Variants in PTPRC observed in about 807,000 individuals in gnomAD.
PTPRC encodes receptor-type tyrosine-protein phosphatase C.
Under a neutral mutation model 155.9 loss-of-function variants are expected in PTPRC, and 44 were observed. The ratio of observed to expected loss-of-function variants is 0.28; its 90% CI spans 0.22 to 0.36. The LOEUF (loss-of-function observed/expected upper bound fraction) is 0.36. Among genes scored for constraint, PTPRC ranks in the 10% least tolerant of loss-of-function variants. PTPRC has a pLI of 1.00. For synonymous variants in PTPRC, 525 were observed against 533.1 expected (o/e 0.98, Z 0.21); for missense variants, 1,401 against 1,564.6 (o/e 0.90, Z 1.76).
At chr1:198,699,351 C>T (rs1666353086) in intron 4 of PTPRC, among the ~76,000 whole-genome samples, 1 of 152,218 alleles carries the variant, frequency 6.6e-6, no homozygotes, top group Non-Finnish European at 1.5e-5. Flanking sequence ...GCATCCAGCT[C>T]AGGAAACCTC....
intron 26 of PTPRC, 113 bp downstream of exon 26, chr1:198,744,316 G>A: frequency 9.3e-7 from 1 of 1,077,074 alleles, no homozygotes. Flanking sequence ...GTCTTCACCA[G>A]AACCAAAGGA....
rs754391361 is a variant in PTPRC at position 198,716,848 on chromosome 1, A to G, written c.1450+8A>G. On this transcript the variant is annotated splice_region_variant and intron_variant, in intron 13 of 32. Transcript: ENST00000442510. ...TCACAACTAAAAGTGCTCGTAAGTT[A>G]TATGTTTTAATGCTTCTTTCCATAA... is the stretch of plus-strand genomic sequence containing the variant. 26 of 1,612,548 alleles carry G rather than the reference A, an allele frequency of 1.6e-5. No homozygotes were observed. The highest frequency in any genetic ancestry group is 1.1e-4 in the South Asian group (10 of 90,998).
At chr1:198,688,595 T>A (rs980037742) in intron 2 of PTPRC, among the ~76,000 whole-genome samples, 1 of 152,200 alleles carries the variant, frequency 6.6e-6, no homozygotes, top group Non-Finnish European at 1.5e-5. Context: ...AATATTTGTT[T>A]GTACCATTAT....
At chr1:198,699,933 A>T in intron 5 of PTPRC, 2 of 619,614 alleles carry the variant, frequency 3.2e-6, no homozygotes, top group Non-Finnish European at 5.7e-6. Flanking sequence ...TCTGCTCAGG[A>T]GGAAAGAGTT....
At chr1:198,656,053 T>C (rs1185582307) in intron 2 of PTPRC, among the ~76,000 whole-genome samples, 3 of 152,016 alleles carry the variant, frequency 2.0e-5, no homozygotes, top group Admixed American at 6.6e-5. Context: ...TTTAAAAAAC[T>C]TAAAAGATTC....
intron 2 of PTPRC, chr1:198,679,068 A>G (rs1665129600): frequency 5.8e-6 from 1 of 173,566 alleles, no homozygotes; most frequent in South Asian, 1.4e-4. Context: ...TCTATTATAC[A>G]TGCAACACTG....
At chr1:198,675,201 A>G (rs916331059) in intron 2 of PTPRC, among the ~76,000 whole-genome samples, 8 of 152,168 alleles carry the variant, frequency 5.3e-5, no homozygotes, top group Non-Finnish European at 1.2e-4. Context: ...TCCCAGTTCT[A>G]AACATTTTAC....
At position 198,687,385 on chromosome 1, in the gene PTPRC, G is replaced by A. The variant is rs184961127; in HGVS notation, c.74-4962G>A. On this transcript the variant is annotated intron_variant, in intron 2 of 32. Coordinates refer to ENST00000442510, the MANE Select transcript of PTPRC (RefSeq NM_002838.5). ...AATGTTTAATAATGTTTGCACATAT[G>A]AAGTGCAACAGACAATTGAAGTCAT... 2.8e-3 allele frequency among the ~76,000 whole-genome samples: 424 copies of A among 152,252 alleles called. 4 individuals are homozygous for A. The highest frequency in any genetic ancestry group is 2.6e-3 in the Non-Finnish European group (175 of 68,018).
At chr1:198,742,442 T>C (rs896154370) in intron 25 of PTPRC, 75 bp downstream of exon 25, 1 of 1,572,730 alleles carries the variant, frequency 6.4e-7, no homozygotes, top group East Asian at 2.3e-5. Context: ...ATAATAATGA[T>C]ATTTTTTAAA....
Position 198,708,240 on chromosome 1 carries a change from A to G in PTPRC, c.1012A>G (p.Ile338Val), listed in dbSNP as rs1466660990. 6.2e-7 allele frequency: 1 copy of G among 1,607,692 alleles called. No individual in the cohort carries two copies. The highest frequency in any genetic ancestry group is 2.2e-5 in the East Asian group (1 of 44,646). ...AACCTTTACTTGTGATACACAGAAT[A>G]TTACCTACAGATTTCAGTGTGGTAA... is the stretch of plus-strand genomic sequence containing the variant. ...IETFTCDTQN[I>V]TYRFQCGNMI... is the part of the protein sequence containing the mutation. Residue 338 changes from isoleucine (I) to valine (V), a missense_variant, in exon 10 of 33, where the codon ATT becomes GTT. Physicochemically the swap from Ile to Val is conservative, Grantham distance 29. Coordinates refer to ENST00000442510, the MANE Select transcript of PTPRC (RefSeq NM_002838.5).
At chr1:198,682,972 A>G (rs1308366119) in intron 2 of PTPRC, among the ~76,000 whole-genome samples, 3 of 152,214 alleles carry the variant, frequency 2.0e-5, no homozygotes, top group Non-Finnish European at 4.4e-5. Flanking sequence ...GCTCTTTAGC[A>G]CAAATACTGG....
At chr1:198,704,619 A>C in intron 8 of PTPRC, 121 bp downstream of exon 8, 354 of 1,560,070 alleles carry the variant, frequency 2.3e-4, no homozygotes, top group Middle Eastern at 6.8e-4. Context: ...CTAATTTCTC[A>C]CCGATGACTA....
rs11809466 is a variant in PTPRC at position 198,704,765 on chromosome 1, C to T, written c.685+267C>T. Among the ~76,000 whole-genome samples the T allele has an allele frequency of 9.1e-3, 1,390 of 152,272 alleles. 19 individuals are homozygous for T. Among genetic ancestry groups the T allele is most frequent in the African/African-American group, 0.032 (1,320 of 41,542 alleles). On this transcript the variant is annotated intron_variant, in intron 8 of 32. Coordinates refer to ENST00000442510, the MANE Select transcript of PTPRC (RefSeq NM_002838.5). ...CTACCTATATTGGGAACTGTGCCTA[C>T]TTGCTGGGCGTCGAATTCAATTTTA...
intron 12 of PTPRC, 50 bp downstream of exon 12, chr1:198,713,122 G>C (rs1343910659): frequency 6.2e-7 from 1 of 1,610,026 alleles, no homozygotes; most frequent in East Asian, 2.2e-5. Context: ...TCAAGAATTT[G>C]AAAGTACTAG....
chr1:198,736,871 T>C (rs1654667794), intron 23 of PTPRC, among the ~76,000 whole-genome samples: 1 of 151,730 alleles, frequency 6.6e-6, no homozygotes, highest in Non-Finnish European at 1.5e-5. Context: ...ATCTTTTATA[T>C]ATAAGTTGTT....
At chr1:198,731,479 G>A (rs1654384581) in intron 17 of PTPRC, 138 bp from the exon 18 acceptor site, 1 of 678,174 alleles carries the variant, frequency 1.5e-6, no homozygotes, top group South Asian at 1.5e-5. Context: ...GTTTGTATGT[G>A]AGTGAGATTT....
chr1:198,676,389 A>G (rs1164330629), intron 2 of PTPRC, among the ~76,000 whole-genome samples: 1 of 152,176 alleles, frequency 6.6e-6, no homozygotes, highest in African/African-American at 2.4e-5. Flanking sequence ...TCTTTGTACA[A>G]TTGTTAAACT....
intron 23 of PTPRC, among the ~76,000 whole-genome samples, chr1:198,738,604 G>C (rs763333044): frequency 4.0e-5 from 6 of 151,662 alleles, no homozygotes; most frequent in Non-Finnish European, 8.9e-5. Flanking sequence ...TTGACCGGTA[G>C]TTTTCTTTTT....
chr1:198,714,381 A>T (rs1458711869), intron 12 of PTPRC, among the ~76,000 whole-genome samples: 2 of 152,112 alleles, frequency 1.3e-5, no homozygotes, highest in Non-Finnish European at 2.9e-5. Flanking sequence ...TAATTAGGGT[A>T]AAAAGGATGT....
Sources: allele counts gnomAD v4.1 joint callset (sites outside exome capture counted in the v4.1 genomes callset), GRCh38; gene constraint gnomAD v4.1.1; transcripts MANE v1.5; gene names NCBI Gene and HGNC (gene_info 2026-07-23, HGNC 2026-07-21).